The following MRS2 variants were observed in gnomAD, a reference collection of about 807,000 sequenced individuals.
MRS2 encodes magnesium transporter MRS2.
In MRS2, 40 loss-of-function variants were observed where a neutral mutation model predicts 52.6. The observed-to-expected ratio is 0.76, with a 90% CI of 0.59 to 0.99. The LOEUF is 0.99. Ranked by LOEUF, MRS2 falls within the 50% of genes least tolerant of loss-of-function variation. The probability of loss-of-function intolerance (pLI) is 0.00; values close to 1 mark genes in which losing one functional copy is unlikely to be tolerated. For missense variants in MRS2, 472 were observed against 532.7 expected (o/e 0.89, Z 1.12); for synonymous variants, 193 against 195.9 (o/e 0.98, Z 0.13).
chr6:24,412,946 T>A (rs541627131), intron 5 of MRS2, among the ~76,000 whole-genome samples: 17 of 151,632 alleles, frequency 1.1e-4, no homozygotes, highest in African/African-American at 4.1e-4. Flanking sequence ...CTAACCAGAG[T>A]GGGAGGAGGA....
chr6:24,409,491 T>A lies in MRS2; in HGVS notation c.332T>A (p.Leu111Ter). Residue 111 changes from leucine to a stop codon, truncating the protein, a stop_gained, in exon 4 of 11, where the codon TTA becomes TAA. Coordinates refer to ENST00000378386, the MANE Select transcript of MRS2 (RefSeq NM_020662.4). LOFTEE classifies it high-confidence loss of function. ...AAGAAAACTGAATTATACCAAGAGT[T>A]AGGTCTTCAAGCCAGAGATTTGAGA... is the stretch of plus-strand genomic sequence containing the variant. ...ERKKTELYQE[L>*]GLQARDLRFQ... is the part of the protein sequence containing the mutation. 2 of 1,610,716 alleles carry A rather than the reference T, an allele frequency of 1.2e-6. No homozygotes were observed. Among genetic ancestry groups the A allele is most frequent in the Non-Finnish European group, 1.7e-6 (2 of 1,177,786 alleles).
At chr6:24,414,643 C>T (rs1029205215) in intron 5 of MRS2, among the ~76,000 whole-genome samples, 3 of 152,194 alleles carry the variant, frequency 2.0e-5, no homozygotes, top group African/African-American at 7.2e-5. Context: ...CATCGTGGCC[C>T]GTTCTCAATG....
At chr6:24,404,262 T>G (rs1761387185) in intron 1 of MRS2, among the ~76,000 whole-genome samples, 1 of 152,218 alleles carries the variant, frequency 6.6e-6, no homozygotes, top group Non-Finnish European at 1.5e-5. Flanking sequence ...GGACAAGCAT[T>G]GACGTTCACA....
chr6:24,422,896 C>A, intron 9 of MRS2, 41 bp from the exon 10 acceptor site: 1 of 1,355,982 alleles, frequency 7.4e-7, no homozygotes, highest in South Asian at 1.2e-5. Flanking sequence ...TTCTAAGGAA[C>A]CTGGCGTTTT....
chr6:24,414,278 C>A (rs999707097), intron 5 of MRS2, among the ~76,000 whole-genome samples: 1 of 151,912 alleles, frequency 6.6e-6, no homozygotes, highest in African/African-American at 2.4e-5. Context: ...TCTGGTTTTC[C>A]TAGGAAGAGG....
In MRS2 at chr6:24,403,044, AC is replaced by A. The variant is rs746183068; in HGVS notation, c.-1del. The A allele has an allele frequency of 1.2e-6, 2 of 1,600,400 alleles. No individual in the cohort carries two copies. The highest frequency in any genetic ancestry group is 1.7e-6 in the Non-Finnish European group (2 of 1,174,836). ...GCTGCTGCCTGCTTCTTGCTCCAGC[AC>A]CATGGAATGCCTGCGCAGTTTACCC... On this transcript the variant is annotated 5_prime_UTR_variant, in exon 1 of 11. Coordinates refer to ENST00000378386, the MANE Select transcript of MRS2 (RefSeq NM_020662.4).
chr6:24,423,771 G>A lies in MRS2; in HGVS notation c.*77G>A. 6.3e-6 allele frequency: 4 copies of A among 639,726 alleles called. No individual in the cohort carries two copies. The highest frequency in any genetic ancestry group is 1.0e-5 in the Non-Finnish European group (4 of 383,352). 39.6% of individuals were successfully genotyped at this position (639,726 alleles called of 1,614,324 possible). On this transcript the variant is annotated 3_prime_UTR_variant, in exon 11 of 11. Transcript: ENST00000378386. ...CTGATACTCTTTTTATTATTTTCTTGTATAGAGTCAGACACTTGAAAAAAA... is the reference window on the plus strand; with the variant it reads ...CTGATACTCTTTTTATTATTTTCTTATATAGAGTCAGACACTTGAAAAAAA...
rs778997106 is a variant in MRS2, at chr6:24,403,201, C to T, written c.155C>T (p.Ala52Val). The part of the protein sequence containing the change: ...RANLIGRSRA[A>V]QLCGPDRLRV... ...AACCTGATTGGAAGGAGCCGAGCGG[C>T]GCAGCTTTGCGGGCCCGACCGGCTC... Residue 52 changes from alanine (A) to valine (V), a missense_variant, in exon 1 of 11, where the codon GCG becomes GTG. Ala to Val is a moderately conservative substitution (Grantham distance 64). Transcript: ENST00000378386. 3.1e-6 allele frequency: 5 copies of T among 1,602,404 alleles called. No homozygotes were observed. The highest frequency in any genetic ancestry group is 1.1e-5 in the South Asian group (1 of 90,900).
At chr6:24,418,725 C>T in intron 9 of MRS2, 147 bp downstream of exon 9, 2 of 585,864 alleles carry the variant, frequency 3.4e-6, no homozygotes, top group East Asian at 3.1e-5. Context: ...ATGGCGAAAC[C>T]CTGTCTCTAC....
At chr6:24,417,950 AAAAGAC>A (rs201231176) in intron 7 of MRS2, 128 bp from the exon 8 acceptor site, 138,380 of 679,782 alleles carry the variant, frequency 0.2, 9,401 homozygotes, top group East Asian at 0.39. Context: ...CAAAAAAAAA[AAAAGAC>A]AAGACAAGAC....
At chr6:24,406,029 C>G (rs1331984609) in intron 2 of MRS2, among the ~76,000 whole-genome samples, 1 of 148,644 alleles carries the variant, frequency 6.7e-6, no homozygotes, top group African/African-American at 2.5e-5. Context: ...GGCATGAACC[C>G]AGGAGGCGGA....
rs1761337391 is a variant in MRS2 at position 24,403,126 on chromosome 6, T to G, written c.80T>G (p.Leu27Trp). 1.2e-6 allele frequency: 2 copies of G among 1,612,054 alleles called. No individual in the cohort carries two copies. The highest frequency in any genetic ancestry group is 1.7e-6 in the Non-Finnish European group (2 of 1,179,894). Residue 27 changes from leucine (L) to tryptophan (W), a missense_variant, in exon 1 of 11, where the codon TTG becomes TGG. Transcript: ENST00000378386. The part of the protein sequence containing the change: ...LPRRTLCALA[L>W]DVTSVGPPVA... ...CGGCGGACGCTGTGTGCCCTGGCCT[T>G]GGACGTGACCTCTGTGGGTCCTCCC...
intron 6 of MRS2, among the ~76,000 whole-genome samples, chr6:24,415,410 A>T (rs976074909): frequency 6.6e-6 from 1 of 152,198 alleles, no homozygotes; most frequent in Admixed American, 6.5e-5. Context: ...CATTTTGAAG[A>T]TGAGAAAATT....
At position 24,403,072 on chromosome 6, in the gene MRS2, G is replaced by C. The variant is rs752165493; in HGVS notation, c.26G>C (p.Cys9Ser). 6.2e-7 allele frequency: 1 copy of C among 1,610,754 alleles called. No individual in the cohort carries two copies. Among genetic ancestry groups the C allele is most frequent in the East Asian group, 2.2e-5 (1 of 44,770 alleles). ...ATGGAATGCCTGCGCAGTTTACCCT[G>C]CCTCCTGCCCCGCGCGATGAGACTT... The part of the protein sequence containing the change: MECLRSLP[C>S]LLPRAMRLPR... Residue 9 changes from cysteine (C) to serine (S), a missense_variant, in exon 1 of 11, where the codon TGC (cysteine) becomes TCC (serine). Coordinates refer to ENST00000378386, the MANE Select transcript of MRS2 (RefSeq NM_020662.4).
At chr6:24,404,636 C>A (rs756871943) in intron 1 of MRS2, among the ~76,000 whole-genome samples, 7 of 152,088 alleles carry the variant, frequency 4.6e-5, no homozygotes, top group Non-Finnish European at 1.0e-4. Context: ...CATTTCAGCT[C>A]AGTGGGGGTA....
intron 7 of MRS2, 53 bp from the exon 8 acceptor site, chr6:24,418,031 G>A: frequency 6.6e-7 from 1 of 1,508,390 alleles, no homozygotes; most frequent in Non-Finnish European, 9.0e-7. Flanking sequence ...TTGTCACTAA[G>A]TATATGATAC....
chr6:24,418,041 C>T, intron 7 of MRS2, 43 bp from the exon 8 acceptor site: 3 of 1,558,712 alleles, frequency 1.9e-6, no homozygotes, highest in Non-Finnish European at 2.6e-6. Context: ...GTATATGATA[C>T]ACATGTTGGG....
intron 9 of MRS2, among the ~76,000 whole-genome samples, chr6:24,419,424 CTG>C (rs1298204357): frequency 1.3e-5 from 2 of 152,282 alleles, no homozygotes; most frequent in African/African-American, 4.8e-5. Context: ...AACAGTGTCT[CTG>C]TGAAGCAGTG....
intron 7 of MRS2, 66 bp from the exon 8 acceptor site, chr6:24,418,017 GT>G: frequency 1.5e-6 from 2 of 1,358,864 alleles, no homozygotes; most frequent in South Asian, 3.0e-5. Context: ...AATTTAGGAA[GT>G]TTTTGTCACT....
Sources: gnomAD v4.1 joint callset for allele counts (sites outside exome capture counted in the v4.1 genomes callset) on GRCh38, gnomAD v4.1.1 for gene constraint, MANE v1.5 for transcripts, NCBI Gene and HGNC (gene_info 2026-07-23, HGNC 2026-07-21) for gene names.